The following GRIN3A variants were observed in gnomAD, a reference collection of about 807,000 sequenced individuals.
The protein encoded by GRIN3A is glutamate ionotropic receptor NMDA type subunit 3A, also known as glutamate receptor ionotropic, NMDA 3A.
A neutral mutation model predicts 92.4 loss-of-function variants in GRIN3A; 47 were observed. The ratio of observed to expected loss-of-function variants is 0.51; its 90% CI spans 0.40 to 0.65. The LOEUF (loss-of-function observed/expected upper bound fraction) is 0.65. Among genes scored for constraint, GRIN3A ranks in the 30% least tolerant of loss-of-function variants. The probability of loss-of-function intolerance (pLI) is 0.00; values close to 1 mark genes in which losing one functional copy is unlikely to be tolerated. For missense variants in GRIN3A, 1,324 were observed against 1,393.1 expected, an observed-to-expected ratio of 0.95 and a Z score of 0.79; for synonymous variants, 527 against 540.6, an observed-to-expected ratio of 0.97 and a Z score of 0.35.
chr9:101,715,748 A>G (rs1829938210), intron 1 of GRIN3A, among the ~76,000 whole-genome samples: 2 of 152,170 alleles, frequency 1.3e-5, no homozygotes, highest in Admixed American at 1.3e-4. Flanking sequence ...ATTCCTTAAC[A>G]AATATCTGAG....
intron 1 of GRIN3A, among the ~76,000 whole-genome samples, chr9:101,687,956 G>T (rs190400554): frequency 6.6e-6 from 1 of 152,246 alleles, no homozygotes; most frequent in Non-Finnish European, 1.5e-5. Flanking sequence ...CAAATTAGCA[G>T]TCATATAATT....
intron 3 of GRIN3A, among the ~76,000 whole-genome samples, chr9:101,631,321 G>A (rs550585697): frequency 6.6e-6 from 1 of 152,240 alleles, no homozygotes; most frequent in South Asian, 2.1e-4. Context: ...CACAAACTAA[G>A]CTAACAGTAT....
At chr9:101,574,213 C>T (rs1233090688) in intron 8 of GRIN3A, among the ~76,000 whole-genome samples, 2 of 152,166 alleles carry the variant, frequency 1.3e-5, no homozygotes, top group African/African-American at 4.8e-5. Context: ...CATCGTATCA[C>T]CTACTACCAT....
intron 6 of GRIN3A, among the ~76,000 whole-genome samples, chr9:101,588,997 G>C (rs916153260): frequency 6.6e-6 from 1 of 151,372 alleles, no homozygotes; most frequent in Non-Finnish European, 1.5e-5. Context: ...TTGAGATGGC[G>C]TTTCACTGTG....
intron 2 of GRIN3A, among the ~76,000 whole-genome samples, chr9:101,678,709 T>A (rs564522340): frequency 6.6e-6 from 1 of 152,300 alleles, no homozygotes; most frequent in Non-Finnish European, 1.5e-5. Context: ...GGTGGGGTCA[T>A]AATTTAATAC....
At position 101,686,767 on chromosome 9, in the gene GRIN3A, C is replaced by T; in HGVS notation, c.1133G>A (p.Gly378Glu). Residue 378 changes from glycine (G) to glutamate (E), a missense_variant, in exon 2 of 9, where the codon GGA becomes GAA. Coordinates refer to ENST00000361820, the MANE Select transcript of GRIN3A (RefSeq NM_133445.3). ...EGLPLGLIAHGKTTQSVFEHY... is the reference protein window; with the variant it reads ...EGLPLGLIAHEKTTQSVFEHY... Reference sequence around the variant, plus strand: ...CTCAAAGACAGACTGTGTTGTTTTTCCATGAGCAATGAGCCCTAAGGGCAG... The same window carrying T: ...CTCAAAGACAGACTGTGTTGTTTTTTCATGAGCAATGAGCCCTAAGGGCAG... 6.2e-7 allele frequency: 1 copy of T among 1,614,140 alleles called. No individual in the cohort carries two copies. Among genetic ancestry groups the T allele is most frequent in the Non-Finnish European group, 8.5e-7 (1 of 1,180,008 alleles).
intron 6 of GRIN3A, among the ~76,000 whole-genome samples, chr9:101,607,961 A>C (rs994018597): frequency 1.4e-4 from 22 of 152,190 alleles, no homozygotes; most frequent in Admixed American, 1.2e-3. Context: ...TCATTTAATT[A>C]CGTTCTATCT....
At chr9:101,682,891 A>G (rs1391023005) in intron 2 of GRIN3A, among the ~76,000 whole-genome samples, 1 of 152,240 alleles carries the variant, frequency 6.6e-6, no homozygotes, top group Non-Finnish European at 1.5e-5. Flanking sequence ...CTGAGGCAGG[A>G]GAATGGCGTG....
intron 8 of GRIN3A, among the ~76,000 whole-genome samples, chr9:101,576,388 C>T (rs1827828023): frequency 6.6e-6 from 1 of 152,164 alleles, no homozygotes; most frequent in Non-Finnish European, 1.5e-5. Context: ...AAACCATGAA[C>T]ACCTGTTCTC....
Position 101,573,531 on chromosome 9 carries a change from T to A in GRIN3A, c.3009-18A>T, listed in dbSNP as rs766873689. On this transcript the variant is annotated intron_variant, in intron 8 of 8. Transcript: ENST00000361820. ...CATTAGACCTAGGAAACAGAGAAAT[T>A]TTAGATTTACTTTCCATTCTGCAGC... The A allele has an allele frequency of 6.3e-7, 1 of 1,596,234 alleles. No homozygotes were observed. The highest frequency in any genetic ancestry group is 2.2e-5 in the East Asian group (1 of 44,746).
chr9:101,606,558 A>G (rs990563718), intron 6 of GRIN3A, among the ~76,000 whole-genome samples: 1 of 151,674 alleles, frequency 6.6e-6, no homozygotes, highest in Non-Finnish European at 1.5e-5. Flanking sequence ...GCCCTGGGAG[A>G]CTGTAGTATC....
chr9:101,607,591 C>G (rs1397458298), intron 6 of GRIN3A, among the ~76,000 whole-genome samples: 1 of 152,156 alleles, frequency 6.6e-6, no homozygotes, highest in East Asian at 1.9e-4. Context: ...ATGAGACCAT[C>G]ATTTTATTTA....
In GRIN3A at chr9:101,623,519, G is replaced by A. The variant is rs1828586547; in HGVS notation, c.2499-86C>T. On this transcript the variant is annotated intron_variant, in intron 4 of 8. Transcript: ENST00000361820. ...GGCTGACAGCCGGCTTTTGTTTAGGGGACAGAACCCGAACACTAAGGGCCG... is the reference window on the plus strand; with the variant it reads ...GGCTGACAGCCGGCTTTTGTTTAGGAGACAGAACCCGAACACTAAGGGCCG... 7 of 937,856 alleles carry A rather than the reference G, an allele frequency of 7.5e-6. No homozygotes were observed. In the East Asian group the frequency reaches 1.5e-4, roughly 19 times the overall value. The allele number at this position is 937,856 out of a possible 1,614,324, so 58.1% of individuals were successfully genotyped here.
intron 4 of GRIN3A, among the ~76,000 whole-genome samples, 158 bp from the exon 5 acceptor site, chr9:101,623,591 T>C (rs10115450): frequency 0.37 from 55,647 of 152,098 alleles, 10,664 homozygotes; most frequent in African/African-American, 0.49. Flanking sequence ...TTCTCACTGA[T>C]GTCTAGACTA....
intron 1 of GRIN3A, among the ~76,000 whole-genome samples, chr9:101,706,401 A>T (rs1446605032): frequency 1.3e-5 from 2 of 152,242 alleles, no homozygotes; most frequent in African/African-American, 4.8e-5. Flanking sequence ...CAGGAGGAAC[A>T]TGAATTTCTG....
At chr9:101,644,569 A>G (rs1186085101) in intron 3 of GRIN3A, among the ~76,000 whole-genome samples, 2 of 151,968 alleles carry the variant, frequency 1.3e-5, no homozygotes, top group Non-Finnish European at 2.9e-5. Flanking sequence ...AACTGTTGAA[A>G]TGGAAATTAT....
chr9:101,712,970 T>C (rs1829898288), intron 1 of GRIN3A, among the ~76,000 whole-genome samples: 1 of 152,216 alleles, frequency 6.6e-6, no homozygotes, highest in Non-Finnish European at 1.5e-5. Context: ...AACTAAGGCA[T>C]AGAGAGCTTA....
rs1170737201 is a variant in GRIN3A, at chr9:101,570,593, G to C, written c.*2581C>G. The C allele has an allele frequency of 6.6e-6, 1 of 152,640 alleles. No individual in the cohort carries two copies. Among genetic ancestry groups the C allele is most frequent in the Admixed American group, 6.5e-5 (1 of 15,286 alleles). 9.5% of individuals were successfully genotyped at this position (152,640 alleles called of 1,614,324 possible). On this transcript the variant is annotated 3_prime_UTR_variant, in exon 9 of 9. Transcript: ENST00000361820. ...CAATGTTGATGGCAGTAAGCCTGCT[G>C]TCAGCCCCTGCTGCTGCTTGCTGCA... is the stretch of plus-strand genomic sequence containing the variant.
chr9:101,602,327 G>A (rs778848345), intron 6 of GRIN3A, among the ~76,000 whole-genome samples: 1 of 152,056 alleles, frequency 6.6e-6, no homozygotes, highest in Non-Finnish European at 1.5e-5. Context: ...GTAACAACTC[G>A]CATCAATAGC....
Sources: gnomAD v4.1 joint callset for allele counts (sites outside exome capture counted in the v4.1 genomes callset) on GRCh38, gnomAD v4.1.1 for gene constraint, MANE v1.5 for transcripts, NCBI Gene and HGNC (gene_info 2026-07-23, HGNC 2026-07-21) for gene names.